Variants in RNF34 observed in about 807,000 individuals in gnomAD.
RNF34 encodes E3 ubiquitin-protein ligase RNF34.
In RNF34, 12 loss-of-function variants were observed where a neutral mutation model predicts 37.9. That is an observed-to-expected ratio of 0.32 (90% confidence interval 0.20 to 0.51). The LOEUF (loss-of-function observed/expected upper bound fraction) is 0.51. Ranked by LOEUF, RNF34 falls within the 20% of genes least tolerant of loss-of-function variation. RNF34 has a pLI of 0.97. For synonymous variants in RNF34, 155 were observed against 177.2 expected (o/e 0.87, Z 1.00); for missense variants, 362 against 472.7 (o/e 0.77, Z 2.17).
At chr12:121,411,008 C>T (rs782682116) in intron 1 of RNF34, among the ~76,000 whole-genome samples, 9 of 152,144 alleles carry the variant, frequency 5.9e-5, no homozygotes, top group Non-Finnish European at 1.3e-4. Context: ...AAGCATAGCT[C>T]ACCATAGTCT....
intron 1 of RNF34, among the ~76,000 whole-genome samples, chr12:121,410,549 A>ACC (rs1555281250): frequency 5.9e-5 from 9 of 152,094 alleles, no homozygotes; most frequent in African/African-American, 1.9e-4. Context: ...AACCACCAAA[A>ACC]AAAAAAAAAT....
chr12:121,422,459 T>C (rs1872250829), intron 5 of RNF34, among the ~76,000 whole-genome samples: 1 of 152,244 alleles, frequency 6.6e-6, no homozygotes, highest in Admixed American at 6.5e-5. Flanking sequence ...GCCTTCTCCA[T>C]TGGCATATCT....
intron 1 of RNF34, among the ~76,000 whole-genome samples, chr12:121,403,947 G>A (rs1870250491): frequency 6.6e-6 from 1 of 150,974 alleles, no homozygotes; most frequent in Non-Finnish European, 1.5e-5. Flanking sequence ...AGAGTCTATG[G>A]CATTATTATT....
intron 3 of RNF34, chr12:121,419,792 C>T (rs114043273): frequency 6.4e-6 from 1 of 155,896 alleles, no homozygotes; most frequent in African/African-American, 2.4e-5. Context: ...TGTCTAAGTA[C>T]GCTGTGGTAG....
chr12:121,406,652 A>G (rs1021322302), intron 1 of RNF34, among the ~76,000 whole-genome samples: 6 of 152,178 alleles, frequency 3.9e-5, no homozygotes, highest in East Asian at 1.9e-4. Context: ...CCATGGTCCT[A>G]TGGTGGCTCT....
chr12:121,417,663 C>G lies in RNF34; in HGVS notation c.385C>G (p.Leu129Val), dbSNP rs782662844. 14 of 1,614,040 alleles carry G rather than the reference C, an allele frequency of 8.7e-6. No individual in the cohort carries two copies. Among genetic ancestry groups the G allele is most frequent in the Non-Finnish European group, 1.2e-5 (14 of 1,180,026 alleles). The change falls in exon 3 of 6, where the codon CTG (leucine) becomes GTG (valine). Residue 129 changes from leucine to valine, a missense_variant. Physicochemically the swap from Leu to Val is conservative, Grantham distance 32. Coordinates refer to ENST00000361234, the MANE Select transcript of RNF34 (RefSeq NM_025126.4). The surrounding 1 kb of genome is among the most constrained non-coding windows in gnomAD (Gnocchi z 5.0). ...GAAGGACCTGCGGCAGTATCTCATT[C>G]TGAGAAATATACCCATAGATACTTG... is the stretch of plus-strand genomic sequence containing the variant. ...KVKDLRQYLILRNIPIDTCRE... is the reference protein window; with the variant it reads ...KVKDLRQYLIVRNIPIDTCRE...
At chr12:121,415,540 C>T (rs543650240) in intron 1 of RNF34, among the ~76,000 whole-genome samples, 1 of 152,180 alleles carries the variant, frequency 6.6e-6, no homozygotes, top group East Asian at 1.9e-4. Flanking sequence ...CGCTTGAACC[C>T]AGGAGGTGGA....
rs1331061178 is a variant in RNF34 at position 121,410,164 on chromosome 12, GA to G, written c.7-5991del. ...AGCGAAACTCCGTCTCAAAAAAAAA[GA>G]AAAGGAATTATGTTCATTTCAGCAC... On this transcript the variant is annotated intron_variant, in intron 1 of 5. Coordinates refer to ENST00000361234, the MANE Select transcript of RNF34 (RefSeq NM_025126.4). Among the ~76,000 whole-genome samples, 11 of 148,996 alleles carry G rather than the reference GA, an allele frequency of 7.4e-5. No individual in the cohort carries two copies. In the East Asian group the frequency reaches 2.0e-3, roughly 27 times the overall value.
intron 1 of RNF34, chr12:121,402,746 G>A: frequency 1.3e-6 from 2 of 1,593,724 alleles, no homozygotes; most frequent in Non-Finnish European, 1.7e-6. Context: ...TGAAAGGTGG[G>A]GGAGTGGTAC....
chr12:121,420,344 C>T lies in RNF34; in HGVS notation c.726+10C>T. 1.3e-6 allele frequency: 2 copies of T among 1,557,144 alleles called. No individual in the cohort carries two copies. The highest frequency in any genetic ancestry group is 1.7e-6 in the Non-Finnish European group (2 of 1,149,816). On this transcript the variant is annotated intron_variant, in intron 4 of 5. Transcript: ENST00000361234. ...AAACGCAGAGGATCGGGTGAGGCCA[C>T]CTATAAAATTTGGTTTCCCTGACAT...
intron 1 of RNF34, among the ~76,000 whole-genome samples, chr12:121,407,655 A>G (rs1374662741): frequency 4.6e-5 from 7 of 152,264 alleles, no homozygotes; most frequent in Non-Finnish European, 4.4e-5. Flanking sequence ...GTATGGAAGC[A>G]ATGAATGAAT....
At chr12:121,400,314 T>C in intron 1 of RNF34, 96 bp downstream of exon 1, 2 of 1,420,456 alleles carry the variant, frequency 1.4e-6, no homozygotes, top group Non-Finnish European at 1.9e-6. Context: ...AGCGGTTACC[T>C]AGTCGTCATC....
intron 3 of RNF34, chr12:121,419,769 G>A (rs1566234493): frequency 6.5e-6 from 1 of 153,086 alleles, no homozygotes; most frequent in South Asian, 2.0e-4. Context: ...GAAAGCCTTC[G>A]TTGGAATTAG....
At chr12:121,411,486 G>C (rs1411320191) in intron 1 of RNF34, among the ~76,000 whole-genome samples, 1 of 152,004 alleles carries the variant, frequency 6.6e-6, no homozygotes, top group Non-Finnish European at 1.5e-5. Context: ...TCATTAACAT[G>C]GTTTGAAAAA....
intron 3 of RNF34, chr12:121,419,805 C>T (rs1308106008): frequency 6.3e-6 from 1 of 158,482 alleles, no homozygotes; most frequent in Non-Finnish European, 1.4e-5. Flanking sequence ...TGTGGTAGGA[C>T]TGAGATCTTT....
intron 1 of RNF34, among the ~76,000 whole-genome samples, chr12:121,415,902 G>C (rs1555282101): frequency 6.7e-6 from 1 of 149,572 alleles, no homozygotes. Context: ...TGGGTAGGGA[G>C]GTTTTTTGTT....
chr12:121,405,387 A>C (rs1351881895), intron 1 of RNF34, among the ~76,000 whole-genome samples: 2 of 146,710 alleles, frequency 1.4e-5, no homozygotes, highest in Non-Finnish European at 3.0e-5. Context: ...GCTCTTGGTC[A>C]GCTGTATATT....
chr12:121,413,142 C>T (rs535948816), intron 1 of RNF34, among the ~76,000 whole-genome samples: 3 of 152,078 alleles, frequency 2.0e-5, no homozygotes, highest in Non-Finnish European at 4.4e-5. Context: ...TCTCCTGCCT[C>T]GGCCTTCCAA....
chr12:121,409,214 A>G (rs1325605012), intron 1 of RNF34, among the ~76,000 whole-genome samples: 1 of 152,188 alleles, frequency 6.6e-6, no homozygotes, highest in African/African-American at 2.4e-5. Context: ...TCCTGTCCTC[A>G]GGTGACCTGC....
Sources: allele counts gnomAD v4.1 joint callset (sites outside exome capture counted in the v4.1 genomes callset), GRCh38; gene constraint gnomAD v4.1.1; non-coding constraint Gnocchi (gnomAD v3.1); transcripts MANE v1.5; gene names NCBI Gene and HGNC (gene_info 2026-07-23, HGNC 2026-07-21).